Variants in MAST3 observed in about 807,000 individuals in gnomAD.
The protein encoded by MAST3 is microtubule associated serine/threonine kinase 3.
MAST3 carries 43 observed loss-of-function variants against 127.0 expected under a neutral mutation model. That is an observed-to-expected ratio of 0.34 (90% confidence interval 0.27 to 0.44). MAST3 has a LOEUF of 0.44. Among genes scored for constraint, MAST3 ranks in the 20% least tolerant of loss-of-function variants. The pLI, the probability that MAST3 is intolerant of heterozygous loss-of-function variation, is 1.00. For missense variants in MAST3, 1,390 were observed against 1,919.1 expected (o/e 0.72, Z 5.15); for synonymous variants, 785 against 809.2 (o/e 0.97, Z 0.51).
At position 18,141,993 on chromosome 19, in the gene MAST3, C is replaced by T. The variant is rs750279715; in HGVS notation, c.2317C>T (p.Arg773Cys). Reference sequence around the variant, plus strand: ...GGAGCGCAGCGAAGTGGACTATGGCCGCCGGCTGAGTGCTGACATCCGGTA... The same window carrying T: ...GGAGCGCAGCGAAGTGGACTATGGCTGCCGGCTGAGTGCTGACATCCGGTA... Reference protein sequence around the residue: ...GWERSEVDYGRRLSADIRLRS... With the variant: ...GWERSEVDYGCRLSADIRLRS... Residue 773 changes from arginine (R) to cysteine (C), a missense_variant, in exon 21 of 28, where the codon CGC becomes TGC. Physicochemically the swap from Arg to Cys is radical, Grantham distance 180. Around this residue, in one of 5 missense-constraint regions of MAST3, gnomAD observed 816 missense variants for 934.1 expected, o/e 0.87. Coordinates refer to ENST00000687212, the MANE Select transcript of MAST3 (RefSeq NM_001393504.1). The T allele has an allele frequency of 1.5e-5, 23 of 1,510,856 alleles. No homozygotes were observed. The highest frequency in any genetic ancestry group is 4.2e-5 in the African/African-American group (3 of 71,240). 93.6% of individuals were successfully genotyped at this position (1,510,856 alleles called of 1,614,324 possible). A position where few individuals can be genotyped will look rare whatever the true frequency, so the allele number is the denominator to read the frequency against.
intron 11 of MAST3, 84 bp downstream of exon 11, chr19:18,124,858 C>T (rs1353884374): frequency 6.1e-6 from 9 of 1,468,406 alleles, no homozygotes; most frequent in Non-Finnish European, 7.2e-6. Flanking sequence ...TTAATACCAG[C>T]ACTTTGGGAA....
In MAST3 at chr19:18,145,983, G is replaced by C. The variant is rs1408097213; in HGVS notation, c.3162+118G>C. 2.4e-6 allele frequency: 3 copies of C among 1,260,756 alleles called. No homozygotes were observed. Among genetic ancestry groups the C allele is most frequent in the Middle Eastern group, 2.3e-4 (1 of 4,328 alleles). The allele number at this position is 1,260,756 out of a possible 1,614,324, so 78.1% of individuals were successfully genotyped here. A position where few individuals can be genotyped will look rare whatever the true frequency, so the allele number is the denominator to read the frequency against. On this transcript the variant is annotated intron_variant, in intron 25 of 27. Transcript: ENST00000687212. This position sits in a 1 kb window ranked among gnomAD's most constrained non-coding sequence, Gnocchi z 5.9. ...ACCCCACATTCAATGTCAACTCCAG[G>C]CCTGGCACATCCACTTCCTTCGGCC...
At position 18,147,053 on chromosome 19, in the gene MAST3, G is replaced by T. The variant is rs560450012; in HGVS notation, c.3326+9G>T. 3 of 1,528,304 alleles carry T rather than the reference G, an allele frequency of 2.0e-6. No individual in the cohort carries two copies. The Admixed American group carries it at 6.9e-5, about 35-fold the overall frequency. 94.7% of individuals were successfully genotyped at this position (1,528,304 alleles called of 1,614,324 possible). ...GTGACCACCAGGGAGCGGTACACAGGGGGCGGGGCCACGGGGACTGGGGTT... is the reference window on the plus strand; with the variant it reads ...GTGACCACCAGGGAGCGGTACACAGTGGGCGGGGCCACGGGGACTGGGGTT... On this transcript the variant is annotated intron_variant, in intron 26 of 27. Coordinates refer to ENST00000687212, the MANE Select transcript of MAST3 (RefSeq NM_001393504.1).
chr19:18,123,865 C>G (rs573804278), intron 8 of MAST3, 74 bp from the exon 9 acceptor site: 13 of 1,395,306 alleles, frequency 9.3e-6, no homozygotes, highest in Non-Finnish European at 1.3e-5. Flanking sequence ...CCAACCATGC[C>G]TCTCCTGCCC....
intron 1 of MAST3, among the ~76,000 whole-genome samples, chr19:18,099,492 C>T (rs893388990): frequency 6.7e-6 from 1 of 148,780 alleles, no homozygotes; most frequent in African/African-American, 2.5e-5. Context: ...GAAGTGGGGC[C>T]TGTTCCATGG....
rs959858867 is a variant in MAST3 at position 18,144,459 on chromosome 19, C to T, written c.2585-7C>T. On this transcript the variant is annotated splice_polypyrimidine_tract_variant and splice_region_variant and intron_variant, in intron 22 of 27. Coordinates refer to ENST00000687212, the MANE Select transcript of MAST3 (RefSeq NM_001393504.1). This position sits in a 1 kb window ranked among gnomAD's most constrained non-coding sequence, Gnocchi z 4.0. ...GGGGCACCCAGCTGACCCTGCTGAC[C>T]CTCTAGCCGACACAGCTGCTCTCAG... is the stretch of plus-strand genomic sequence containing the variant. The T allele has an allele frequency of 7.7e-6, 12 of 1,554,724 alleles. No individual in the cohort carries two copies. Among genetic ancestry groups the T allele is most frequent in the Non-Finnish European group, 1.0e-5 (12 of 1,151,992 alleles).
chr19:18,120,710 T>C (rs2039868251), intron 3 of MAST3, among the ~76,000 whole-genome samples: 1 of 151,260 alleles, frequency 6.6e-6, no homozygotes, highest in Admixed American at 6.6e-5. Context: ...TAATTTTTGG[T>C]TTTTTTGTTT....
chr19:18,124,414 A>G, intron 10 of MAST3, 48 bp downstream of exon 10: 1 of 1,515,996 alleles, frequency 6.6e-7, no homozygotes. Flanking sequence ...CAGAACTGAG[A>G]TTGGGACCAC....
Position 18,146,997 on chromosome 19 carries a change from TCG to T in MAST3, c.3280_3281del (p.Arg1094AlafsTer48). On this transcript the variant is annotated frameshift_variant, in exon 26 of 28. Coordinates refer to ENST00000687212, the MANE Select transcript of MAST3 (RefSeq NM_001393504.1). LOFTEE classifies it high-confidence loss of function. ...TGGCACGCAGGAGCAAGAGGAGCCG[TCG>T]GCGGGAGACCCAGGATCGGTGCGCG... ...RMARRSKRSR[R>X]RETQDRCAAV... 6.4e-7 allele frequency: 1 copy of T among 1,571,210 alleles called. No homozygotes were observed. Among genetic ancestry groups the T allele is most frequent in the Non-Finnish European group, 8.6e-7 (1 of 1,158,944 alleles).
chr19:18,122,498 C>G (rs55804534), intron 5 of MAST3, among the ~76,000 whole-genome samples, 175 bp from the exon 6 acceptor site: 2,170 of 152,148 alleles, frequency 0.014, 48 homozygotes, highest in African/African-American at 0.049. Context: ...GAAGAGGTAC[C>G]TAAAGAGAGA....
Position 18,110,445 on chromosome 19 carries a change from C to T in MAST3, c.72-207C>T. The T allele has an allele frequency of 3.1e-6, 3 of 981,390 alleles. No homozygotes were observed. Among genetic ancestry groups the T allele is most frequent in the Non-Finnish European group, 3.6e-6 (3 of 825,946 alleles). 60.8% of individuals were successfully genotyped at this position (981,390 alleles called of 1,614,324 possible). On this transcript the variant is annotated intron_variant, in intron 2 of 27. Coordinates refer to ENST00000687212, the MANE Select transcript of MAST3 (RefSeq NM_001393504.1). The surrounding 1 kb of genome is among the most constrained non-coding windows in gnomAD (Gnocchi z 4.3). Reference sequence around the variant, plus strand: ...ACTACCCTCCCCCCACGTCTCTGTTCGTGTCGCCCAGAAACGCACCGCCGC... The same window carrying T: ...ACTACCCTCCCCCCACGTCTCTGTTTGTGTCGCCCAGAAACGCACCGCCGC...
chr19:18,108,718 C>T (rs1452699587), intron 2 of MAST3, among the ~76,000 whole-genome samples: 1 of 152,092 alleles, frequency 6.6e-6, no homozygotes, highest in African/African-American at 2.4e-5. Flanking sequence ...TTGTTCAATG[C>T]TTTCATTCAT....
rs1283213759 is a variant in MAST3 at position 18,144,675 on chromosome 19, T to C, written c.2794T>C (p.Ser932Pro). 1.2e-6 allele frequency: 2 copies of C among 1,609,044 alleles called. No homozygotes were observed. The highest frequency in any genetic ancestry group is 2.2e-5 in the South Asian group (2 of 91,082). ...CAAGTCAGCCTCTGTCTCTGCCCTGTCCCTCATCATCACGGCAGGTAATGC... is the reference window on the plus strand; with the variant it reads ...CAAGTCAGCCTCTGTCTCTGCCCTGCCCCTCATCATCACGGCAGGTAATGC... ...VPKSASVSAL[S>P]LIITADDGSG... The change falls in exon 23 of 28, where the codon TCC becomes CCC. Residue 932 changes from serine to proline, a missense_variant. This residue lies in a region of MAST3 where 816 missense variants were observed against 934.1 expected (regional missense o/e 0.87). Transcript: ENST00000687212. This position sits in a 1 kb window ranked among gnomAD's most constrained non-coding sequence, Gnocchi z 4.0.
At chr19:18,121,800 C>T (rs903663702) in intron 4 of MAST3, 27 bp downstream of exon 4, 23 of 1,613,798 alleles carry the variant, frequency 1.4e-5, no homozygotes, top group Non-Finnish European at 1.8e-5. Flanking sequence ...CCAGCGGGTG[C>T]TGTGTCCTGC....
rs769677113 is a variant in MAST3, at chr19:18,149,325, C to T, written c.3643C>T (p.Arg1215Cys). The change falls in exon 28 of 28, where the codon CGC becomes TGC. Residue 1215 changes from arginine to cysteine, a missense_variant. Physicochemically the swap from Arg to Cys is radical, Grantham distance 180. This residue lies in a region of MAST3 where 816 missense variants were observed against 934.1 expected (regional missense o/e 0.87). Coordinates refer to ENST00000687212, the MANE Select transcript of MAST3 (RefSeq NM_001393504.1). This position sits in a 1 kb window ranked among gnomAD's most constrained non-coding sequence, Gnocchi z 5.9. ...KLGPPRPKTG[R>C]RKSTSSIPPS... is the part of the protein sequence containing the mutation. ...TGGGCCACCCCGCCCCAAGACTGGC[C>T]GCCGCAAGTCCACCAGCAGCATCCC... The T allele has an allele frequency of 4.6e-6, 7 of 1,525,942 alleles. No homozygotes were observed. Among genetic ancestry groups the T allele is most frequent in the Middle Eastern group, 2.3e-4 (1 of 4,346 alleles). 94.5% of individuals were successfully genotyped at this position (1,525,942 alleles called of 1,614,324 possible).
At chr19:18,106,034 C>T (rs1021843413) in intron 1 of MAST3, among the ~76,000 whole-genome samples, 2 of 152,072 alleles carry the variant, frequency 1.3e-5, no homozygotes, top group African/African-American at 2.4e-5. Flanking sequence ...AGTTTTTAGC[C>T]ACTACTGACA....
chr19:18,124,492 A>G (rs2040363427), intron 10 of MAST3, 126 bp downstream of exon 10: 5 of 1,329,536 alleles, frequency 3.8e-6, no homozygotes, highest in Admixed American at 4.1e-5. Flanking sequence ...ACAGGGTGCT[A>G]TTGGGCTAGC....
At chr19:18,103,623 A>G (rs542485803) in intron 1 of MAST3, among the ~76,000 whole-genome samples, 125 of 152,236 alleles carry the variant, frequency 8.2e-4, no homozygotes, top group African/African-American at 2.9e-3. Context: ...CGTCTTGATC[A>G]TTGTCTTGAC....
chr19:18,101,882 C>CTTTTTTTTT (rs760652186), intron 1 of MAST3, among the ~76,000 whole-genome samples: 1 of 69,344 alleles, frequency 1.4e-5, no homozygotes, highest in Non-Finnish European at 2.6e-5. Context: ...GCCTCAAACT[C>CTTTTTTTTT]TTTTTTTTTT....
Sources: gnomAD v4.1 joint callset for allele counts (sites outside exome capture counted in the v4.1 genomes callset) on GRCh38, gnomAD v4.1.1 for gene constraint, gnomAD v4.1.1 regional missense constraint, Gnocchi (gnomAD v3.1) non-coding constraint, MANE v1.5 for transcripts, NCBI Gene and HGNC (gene_info 2026-07-23, HGNC 2026-07-21) for gene names.